Variants in TNFSF13B observed in about 807,000 individuals in gnomAD.
The protein encoded by TNFSF13B is tumor necrosis factor ligand superfamily member 13B.
Under a neutral mutation model 29.1 loss-of-function variants are expected in TNFSF13B, and 8 were observed. The observed-to-expected ratio is 0.27, with a 90% CI of 0.16 to 0.50. The LOEUF (loss-of-function observed/expected upper bound fraction) is 0.50, where lower values mean the gene tolerates loss of function less well. Ranked by LOEUF, TNFSF13B falls within the 20% of genes least tolerant of loss-of-function variation. The pLI, the probability that TNFSF13B is intolerant of heterozygous loss-of-function variation, is 0.98. For missense variants in TNFSF13B, 248 were observed against 334.9 expected (o/e 0.74, Z 2.03); for synonymous variants, 125 against 130.8 (o/e 0.96, Z 0.30).
intron 2 of TNFSF13B, among the ~76,000 whole-genome samples, chr13:108,285,144 T>C (rs1881087009): frequency 6.6e-6 from 1 of 152,204 alleles, no homozygotes. Context: ...CATAAAAATG[T>C]GTTAGAAAAG....
chr13:108,302,571 C>G (rs1159872300), intron 3 of TNFSF13B, among the ~76,000 whole-genome samples: 1 of 152,130 alleles, frequency 6.6e-6, no homozygotes, highest in East Asian at 1.9e-4. Context: ...TGGCTACTGT[C>G]TTCTCTCTGT....
intron 3 of TNFSF13B, chr13:108,302,777 C>T (rs1881662860): frequency 2.0e-6 from 2 of 983,244 alleles, no homozygotes; most frequent in African/African-American, 1.7e-5. Flanking sequence ...CTTCCGTAGG[C>T]TCCCTTCTGT....
intron 2 of TNFSF13B, among the ~76,000 whole-genome samples, chr13:108,283,914 T>C (rs7995847): frequency 0.22 from 32,889 of 152,138 alleles, 4,260 homozygotes; most frequent in East Asian, 0.44. Context: ...CTCCCCAAAG[T>C]CTTCCTAATA....
chr13:108,288,210 A>G lies in TNFSF13B; in HGVS notation c.481+1351A>G, dbSNP rs149696095. ...GATAACTAGTGAACAAAAATGTACTAAAAAAGAACCATTCGTTCACTCACA... is the reference window on the plus strand; with the variant it reads ...GATAACTAGTGAACAAAAATGTACTGAAAAAGAACCATTCGTTCACTCACA... On this transcript the variant is annotated intron_variant, in intron 3 of 5. Coordinates refer to ENST00000375887, the MANE Select transcript of TNFSF13B (RefSeq NM_006573.5). 4.4e-3 allele frequency among the ~76,000 whole-genome samples: 670 copies of G among 152,292 alleles called. 6 individuals carry two copies. Among genetic ancestry groups the G allele is most frequent in the African/African-American group, 0.016 (646 of 41,570 alleles).
At chr13:108,289,796 C>A (rs1034614422) in intron 3 of TNFSF13B, among the ~76,000 whole-genome samples, 3 of 151,848 alleles carry the variant, frequency 2.0e-5, no homozygotes, top group African/African-American at 7.3e-5. Flanking sequence ...GCTTGCTCTG[C>A]CCCATACTTT....
chr13:108,301,934 A>T (rs534826075), intron 3 of TNFSF13B, among the ~76,000 whole-genome samples: 1 of 152,310 alleles, frequency 6.6e-6, no homozygotes, highest in African/African-American at 2.4e-5. Context: ...AAAACATAAG[A>T]TCAAAAAAGA....
intron 2 of TNFSF13B, among the ~76,000 whole-genome samples, chr13:108,275,049 C>T (rs1880727145): frequency 6.6e-6 from 1 of 152,010 alleles, no homozygotes; most frequent in South Asian, 2.1e-4. Context: ...TAATGTATTT[C>T]ATAATATCAT....
At chr13:108,286,888 C>T (rs1264294395) in intron 3 of TNFSF13B, 29 bp downstream of exon 3, 1 of 1,501,866 alleles carries the variant, frequency 6.7e-7, no homozygotes, top group Non-Finnish European at 9.0e-7. Flanking sequence ...GACTTGGAAC[C>T]AAGCCAAATG....
At chr13:108,274,332 T>C (rs561250858) in intron 2 of TNFSF13B, among the ~76,000 whole-genome samples, 1 of 136,530 alleles carries the variant, frequency 7.3e-6, no homozygotes, top group South Asian at 2.2e-4. Flanking sequence ...TACATATATT[T>C]ATACAAATAT....
intron 3 of TNFSF13B, among the ~76,000 whole-genome samples, chr13:108,290,483 T>C (rs1287314827): frequency 6.6e-6 from 1 of 152,180 alleles, no homozygotes; most frequent in Non-Finnish European, 1.5e-5. Context: ...AGGTGAAAAA[T>C]AGCATCTCTT....
intron 2 of TNFSF13B, among the ~76,000 whole-genome samples, chr13:108,283,306 ATTTC>A (rs1881013756): frequency 2.0e-5 from 3 of 152,246 alleles, no homozygotes; most frequent in Non-Finnish European, 2.9e-5. Context: ...TCCCTAGGCA[ATTTC>A]ACCATTGTGC....
intron 2 of TNFSF13B, among the ~76,000 whole-genome samples, chr13:108,275,732 C>T (rs1467216340): frequency 1.3e-5 from 2 of 152,062 alleles, no homozygotes; most frequent in Non-Finnish European, 2.9e-5. Context: ...TATCCAGCTT[C>T]CCTAATACTA....
intron 2 of TNFSF13B, among the ~76,000 whole-genome samples, chr13:108,282,569 A>G (rs1271797880): frequency 1.3e-5 from 2 of 152,230 alleles, no homozygotes; most frequent in African/African-American, 4.8e-5. Context: ...TGTGTTAAAT[A>G]TTGATCAATA....
chr13:108,269,900 A>G lies in TNFSF13B; in HGVS notation c.5A>G (p.Asp2Gly). M[D>G]DSTEREQSRL... ...CTTCAAAGTTCAAGTAGTGATATGG[A>G]TGACTCCACAGAAAGGGAGCAGTCA... The change falls in exon 1 of 6, where the codon GAT becomes GGT. Residue 2 changes from aspartate to glycine, a missense_variant. Transcript: ENST00000375887. 2 of 1,605,078 alleles carry G rather than the reference A, an allele frequency of 1.2e-6. No individual in the cohort carries two copies. Among genetic ancestry groups the G allele is most frequent in the Non-Finnish European group, 8.5e-7 (1 of 1,176,504 alleles).
At chr13:108,293,571 C>A (rs985563192) in intron 3 of TNFSF13B, among the ~76,000 whole-genome samples, 1 of 152,098 alleles carries the variant, frequency 6.6e-6, no homozygotes, top group African/African-American at 2.4e-5. Flanking sequence ...GATATCTTCT[C>A]TTTTATTTAT....
rs1880562421 is a variant in TNFSF13B at position 108,269,973 on chromosome 13, G to A, written c.78G>A (p.Glu26=). 1 of 1,613,620 alleles carries A rather than the reference G, an allele frequency of 6.2e-7. No homozygotes were observed. ...LKKREEMKLK[E]CVSILPRKES... is the part of the protein sequence containing the mutation. ...AAAGAGAAGAAATGAAACTGAAGGA[G>A]TGTGTTTCCATCCTCCCACGGAAGG... Residue 26 remains glutamate, a synonymous_variant, in exon 1 of 6, where the codon GAG becomes GAA. Coordinates refer to ENST00000375887, the MANE Select transcript of TNFSF13B (RefSeq NM_006573.5).
rs984639477 is a variant in TNFSF13B, at chr13:108,298,948, C to T, written c.482-4305C>T. Reference sequence around the variant, plus strand: ...ATGGCACCCCTGTCTCCAGCCTGGGCGACAGAGCAAGACTTGGGAAAAACA... The same window carrying T: ...ATGGCACCCCTGTCTCCAGCCTGGGTGACAGAGCAAGACTTGGGAAAAACA... On this transcript the variant is annotated intron_variant, in intron 3 of 5. Transcript: ENST00000375887. Among the ~76,000 whole-genome samples, 7 of 144,958 alleles carry T rather than the reference C, an allele frequency of 4.8e-5. 2 individuals are homozygous for T. Among genetic ancestry groups the T allele is most frequent in the African/African-American group, 1.3e-4 (5 of 38,458 alleles).
rs142229919 is a variant in TNFSF13B, at chr13:108,302,292, TA to T, written c.482-960del. ...AAGTATGATTTTAGACTAACTTCTA[TA>T]GCTCTATTTTACTATTTTATCCTTA... On this transcript the variant is annotated intron_variant, in intron 3 of 5. Transcript: ENST00000375887. 7.0e-4 allele frequency among the ~76,000 whole-genome samples: 107 copies of T among 152,292 alleles called. 1 individual carries two copies. The highest frequency in any genetic ancestry group is 2.7e-3 in the Admixed American group (41 of 15,292).
chr13:108,278,820 C>T (rs1431938369), intron 2 of TNFSF13B, among the ~76,000 whole-genome samples: 1 of 150,302 alleles, frequency 6.7e-6, no homozygotes, highest in African/African-American at 2.4e-5. Context: ...TGAAGTCTCA[C>T]TTTCAGGCCT....
Sources: gnomAD v4.1 joint callset for allele counts (sites outside exome capture counted in the v4.1 genomes callset) on GRCh38, gnomAD v4.1.1 for gene constraint, MANE v1.5 for transcripts, NCBI Gene and HGNC (gene_info 2026-07-23, HGNC 2026-07-21) for gene names.